The following BTBD9 variants were observed in gnomAD, a reference collection of about 807,000 sequenced individuals.
BTBD9 encodes BTB/POZ domain-containing protein 9.
In BTBD9, 49 loss-of-function variants were observed where a neutral mutation model predicts 64.3. That is an observed-to-expected ratio of 0.76 (90% CI 0.61 to 0.97). BTBD9 has a LOEUF of 0.97. Ranked by LOEUF, BTBD9 falls within the 50% of genes least tolerant of loss-of-function variation. The pLI is 0.00. For synonymous variants in BTBD9, 260 were observed against 274.7 expected (o/e 0.95, Z 0.53); for missense variants, 598 against 762.1 (o/e 0.78, Z 2.53).
At chr6:38,459,040 A>C (rs1769949655) in intron 6 of BTBD9, among the ~76,000 whole-genome samples, 1 of 152,050 alleles carries the variant, frequency 6.6e-6, no homozygotes, top group East Asian at 1.9e-4. Flanking sequence ...TTTTTTGGAG[A>C]CAGAGTCTCA....
At chr6:38,520,490 C>G (rs2127419127) in intron 6 of BTBD9, among the ~76,000 whole-genome samples, 1 of 152,174 alleles carries the variant, frequency 6.6e-6, no homozygotes, top group South Asian at 2.1e-4. Context: ...ACAAAAAATA[C>G]ACAAAATTGT....
At chr6:38,186,928 T>C (rs777408354) in intron 10 of BTBD9, among the ~76,000 whole-genome samples, 8 of 152,204 alleles carry the variant, frequency 5.3e-5, no homozygotes, top group Non-Finnish European at 1.0e-4. Flanking sequence ...TCCAGAACTT[T>C]CAAACCCACG....
intron 6 of BTBD9, among the ~76,000 whole-genome samples, chr6:38,473,142 G>C (rs1337825310): frequency 1.3e-5 from 2 of 152,152 alleles, no homozygotes; most frequent in Non-Finnish European, 2.9e-5. Context: ...TAATAGAGAT[G>C]ACAGAATGCC....
At chr6:38,474,530 A>G (rs933898234) in intron 6 of BTBD9, among the ~76,000 whole-genome samples, 2 of 152,026 alleles carry the variant, frequency 1.3e-5, no homozygotes, top group Non-Finnish European at 2.9e-5. Flanking sequence ...CTCAAGAAAG[A>G]AAAAACAGAA....
chr6:38,213,352 A>G (rs1419304417), intron 9 of BTBD9, among the ~76,000 whole-genome samples: 1 of 152,158 alleles, frequency 6.6e-6, no homozygotes. Context: ...AGTTGGGAGC[A>G]CTTGGGAGAG....
intron 8 of BTBD9, among the ~76,000 whole-genome samples, chr6:38,285,259 A>G (rs1483980904): frequency 1.3e-5 from 2 of 152,140 alleles, no homozygotes; most frequent in Admixed American, 6.6e-5. Flanking sequence ...GACACAGAAG[A>G]GGGGAAGGAT....
intron 9 of BTBD9, among the ~76,000 whole-genome samples, chr6:38,247,572 G>A (rs1323314681): frequency 2.0e-5 from 3 of 152,226 alleles, no homozygotes; most frequent in Non-Finnish European, 1.5e-5. Flanking sequence ...CCTGCTCCAA[G>A]GAGGTGCTCT....
At chr6:38,577,983 C>A (rs950172401) in intron 5 of BTBD9, among the ~76,000 whole-genome samples, 28 of 152,146 alleles carry the variant, frequency 1.8e-4, no homozygotes, top group Non-Finnish European at 4.0e-4. Flanking sequence ...TTCATATCCC[C>A]AGGGTCCTAC....
chr6:38,294,652 G>C (rs1380288265), intron 7 of BTBD9, among the ~76,000 whole-genome samples: 1 of 152,090 alleles, frequency 6.6e-6, no homozygotes, highest in Non-Finnish European at 1.5e-5. Flanking sequence ...GGGCCTGTCA[G>C]GGGGTGGGGA....
intron 6 of BTBD9, among the ~76,000 whole-genome samples, chr6:38,533,405 T>C (rs1388496344): frequency 6.6e-6 from 1 of 152,170 alleles, no homozygotes; most frequent in East Asian, 1.9e-4. Context: ...AGCACTCAGA[T>C]ATATAAAGCA....
At chr6:38,598,165 T>C (rs1236824274) in intron 1 of BTBD9, 44 bp from the exon 2 acceptor site, 8 of 1,426,924 alleles carry the variant, frequency 5.6e-6, no homozygotes, top group Middle Eastern at 1.8e-4. Flanking sequence ...GGGAGGGGAG[T>C]ACACATAGAA....
At chr6:38,314,673 T>A (rs2127572777) in intron 7 of BTBD9, among the ~76,000 whole-genome samples, 1 of 152,258 alleles carries the variant, frequency 6.6e-6, no homozygotes, top group South Asian at 2.1e-4. Flanking sequence ...TTGTTATTGG[T>A]CTGTTCAGGT....
Position 38,630,049 on chromosome 6 carries a change from A to G in BTBD9, c.-28+9751T>C, listed in dbSNP as rs1045327375. 6.6e-5 allele frequency among the ~76,000 whole-genome samples: 10 copies of G among 151,878 alleles called. No individual in the cohort carries two copies. In the East Asian group the frequency reaches 1.9e-3, roughly 30 times the overall value. On this transcript the variant is annotated intron_variant, in intron 1 of 10. Coordinates refer to ENST00000481247, the MANE Select transcript of BTBD9 (RefSeq NM_001099272.2). ...ATGGTGAAAACCCCGTCTCTACTAAAAATACAAAATTAGCCAGGCATGGTG... is the reference window on the plus strand; with the variant it reads ...ATGGTGAAAACCCCGTCTCTACTAAGAATACAAAATTAGCCAGGCATGGTG...
At chr6:38,351,673 T>C (rs1240106007) in intron 6 of BTBD9, among the ~76,000 whole-genome samples, 1 of 152,032 alleles carries the variant, frequency 6.6e-6, no homozygotes, top group Non-Finnish European at 1.5e-5. Context: ...GCTACTTTTT[T>C]GATTTTTAGT....
intron 6 of BTBD9, among the ~76,000 whole-genome samples, chr6:38,484,283 T>C (rs1771298851): frequency 1.3e-5 from 2 of 152,234 alleles, no homozygotes; most frequent in African/African-American, 4.8e-5. Context: ...TAATCATTAG[T>C]TGTTTTTTAA....
At chr6:38,504,725 G>A (rs939446647) in intron 6 of BTBD9, among the ~76,000 whole-genome samples, 2 of 152,156 alleles carry the variant, frequency 1.3e-5, no homozygotes, top group Admixed American at 1.3e-4. Context: ...CACAGAGACA[G>A]AGAAACATGA....
intron 4 of BTBD9, among the ~76,000 whole-genome samples, chr6:38,584,835 T>G (rs1268967462): frequency 6.6e-6 from 1 of 152,048 alleles, no homozygotes. Context: ...TTTTTCCCAC[T>G]CTCTGCAGGC....
intron 10 of BTBD9, among the ~76,000 whole-genome samples, chr6:38,187,041 C>T (rs538056809): frequency 1.6e-3 from 238 of 152,260 alleles, no homozygotes; most frequent in Non-Finnish European, 2.9e-3. Context: ...TACTCCCAGC[C>T]GGGTTTATTT....
At chr6:38,217,824 T>A (rs1423499748) in intron 9 of BTBD9, among the ~76,000 whole-genome samples, 1 of 151,974 alleles carries the variant, frequency 6.6e-6, no homozygotes, top group African/African-American at 2.4e-5. Context: ...TGGAAAACCC[T>A]ATGCTGCAGG....
Sources: allele counts gnomAD v4.1 joint callset (sites outside exome capture counted in the v4.1 genomes callset), GRCh38; gene constraint gnomAD v4.1.1; transcripts MANE v1.5; gene names NCBI Gene and HGNC (gene_info 2026-07-23, HGNC 2026-07-21).